Variants in HMGCLL1 observed in about 807,000 individuals in gnomAD.
HMGCLL1 encodes the protein 3-hydroxymethyl-3-methylglutaryl-CoA lyase, cytoplasmic.
Under a neutral mutation model 39.1 loss-of-function variants are expected in HMGCLL1, and 36 were observed. The observed-to-expected ratio is 0.92, with a 90% CI of 0.71 to 1.22. The LOEUF is 1.22. HMGCLL1 is among the 50% of genes most tolerant of loss of function. The pLI is 0.00. For synonymous variants in HMGCLL1, 149 were observed against 144.0 expected, an observed-to-expected ratio of 1.03 and a Z score of -0.25; for missense variants, 451 against 416.5, an observed-to-expected ratio of 1.08 and a Z score of -0.72.
At chr6:55,617,828 G>C in the HMGCLL1 span, among the ~76,000 whole-genome samples, 2 of 152,008 alleles carry the variant, frequency 1.3e-5, no homozygotes, top group Admixed American at 1.3e-4. Flanking sequence ...ATATGTACAA[G>C]TAGGTCCACA....
the HMGCLL1 span, among the ~76,000 whole-genome samples, chr6:55,596,461 T>A: frequency 6.6e-6 from 1 of 152,184 alleles, no homozygotes; most frequent in Non-Finnish European, 1.5e-5. Flanking sequence ...GACAGATGGT[T>A]TTAATGTTTA....
At chr6:55,485,692 A>C (rs759001134) in intron 7 of HMGCLL1, among the ~76,000 whole-genome samples, 3 of 152,044 alleles carry the variant, frequency 2.0e-5, no homozygotes, top group Non-Finnish European at 2.9e-5. Flanking sequence ...TAAACATATG[A>C]AAGAACTGTT....
the HMGCLL1 span, among the ~76,000 whole-genome samples, chr6:55,599,380 A>G: frequency 6.6e-6 from 1 of 152,226 alleles, no homozygotes; most frequent in African/African-American, 2.4e-5. Context: ...TTCCAGCTAT[A>G]TCTGCAACTA....
chr6:55,511,330 A>G (rs1291139699), intron 5 of HMGCLL1, among the ~76,000 whole-genome samples: 1 of 152,016 alleles, frequency 6.6e-6, no homozygotes, highest in Non-Finnish European at 1.5e-5. Context: ...GTATCTCTTC[A>G]CAATGTGTCC....
chr6:55,584,206 G>C, the HMGCLL1 span, among the ~76,000 whole-genome samples: 1 of 152,106 alleles, frequency 6.6e-6, no homozygotes, highest in Non-Finnish European at 1.5e-5. Flanking sequence ...ATATTTAACA[G>C]AATTCTTACT....
the HMGCLL1 span, among the ~76,000 whole-genome samples, chr6:55,630,745 A>C: frequency 6.9e-6 from 1 of 145,428 alleles, no homozygotes; most frequent in African/African-American, 2.6e-5. Context: ...TATAAGGGGG[A>C]CTCTCCTACA....
chr6:55,499,332 T>A, intron 5 of HMGCLL1, 33 bp from the exon 6 acceptor site: 1 of 1,481,680 alleles, frequency 6.7e-7, no homozygotes, highest in Non-Finnish European at 9.2e-7. Flanking sequence ...TAAATATGCA[T>A]ATGGTAAATA....
chr6:55,567,243 T>C (rs1040185465), intron 1 of HMGCLL1, among the ~76,000 whole-genome samples: 1 of 151,814 alleles, frequency 6.6e-6, no homozygotes, highest in African/African-American at 2.4e-5. Flanking sequence ...TTAATACTTG[T>C]AAAAAGTGAG....
At chr6:55,595,018 T>C in the HMGCLL1 span, among the ~76,000 whole-genome samples, 2 of 152,342 alleles carry the variant, frequency 1.3e-5, no homozygotes, top group Non-Finnish European at 1.5e-5. Context: ...CTTTTTATTT[T>C]TCCGTACAAT....
intron 3 of HMGCLL1, among the ~76,000 whole-genome samples, chr6:55,539,038 A>T (rs556081834): frequency 9.1e-4 from 138 of 152,330 alleles, no homozygotes; most frequent in Non-Finnish European, 1.2e-3. Flanking sequence ...ATTGAGTTCT[A>T]ACTGCAGAGA....
Position 55,567,610 on chromosome 6 carries a change from G to A in HMGCLL1, c.108+11338C>T, listed in dbSNP as rs1298392621. On this transcript the variant is annotated intron_variant, in intron 1 of 8. Transcript: ENST00000274901. ...ATAGGCTTGTGTTTTTAAATGAATT[G>A]CAAGAAAAAATTGCAGGGAAAAGAA... is the stretch of plus-strand genomic sequence containing the variant. Among the ~76,000 whole-genome samples the A allele has an allele frequency of 2.6e-5, 4 of 152,244 alleles. No homozygotes were observed. In the East Asian group the frequency reaches 7.7e-4, roughly 29 times the overall value.
chr6:55,591,395 G>A, the HMGCLL1 span, among the ~76,000 whole-genome samples: 5 of 151,852 alleles, frequency 3.3e-5, no homozygotes, highest in African/African-American at 9.7e-5. Flanking sequence ...CTAGGTCTTC[G>A]AAGCAAACTT....
At chr6:55,510,758 T>A (rs940098341) in intron 5 of HMGCLL1, among the ~76,000 whole-genome samples, 2 of 150,926 alleles carry the variant, frequency 1.3e-5, no homozygotes, top group Non-Finnish European at 3.0e-5. Flanking sequence ...AACCTGCACA[T>A]TGTGCACATA....
chr6:55,649,874 A>T, the HMGCLL1 span, among the ~76,000 whole-genome samples: 1 of 151,208 alleles, frequency 6.6e-6, no homozygotes, highest in Non-Finnish European at 1.5e-5. Context: ...CTTCAGAGAT[A>T]CTGATGAATT....
intron 3 of HMGCLL1, among the ~76,000 whole-genome samples, chr6:55,540,093 T>C (rs1769336979): frequency 6.7e-6 from 1 of 148,444 alleles, no homozygotes; most frequent in Non-Finnish European, 1.5e-5. Flanking sequence ...AATATGACTT[T>C]GTGAAAGCTG....
the HMGCLL1 span, among the ~76,000 whole-genome samples, chr6:55,657,461 A>G: frequency 6.6e-6 from 1 of 151,910 alleles, no homozygotes; most frequent in Non-Finnish European, 1.5e-5. Flanking sequence ...TCCTTTCTCC[A>G]TTGCTTGTTT....
chr6:55,667,793 G>A, the HMGCLL1 span, among the ~76,000 whole-genome samples: 4 of 151,554 alleles, frequency 2.6e-5, no homozygotes, highest in Non-Finnish European at 5.9e-5. Context: ...AAACTTTCTA[G>A]GAATATGAAC....
chr6:55,604,853 T>A, the HMGCLL1 span, among the ~76,000 whole-genome samples: 1 of 152,332 alleles, frequency 6.6e-6, no homozygotes, highest in Non-Finnish European at 1.5e-5. Flanking sequence ...ACAGGGAATA[T>A]TGTAAGCATT....
rs766036827 is a variant in HMGCLL1, at chr6:55,461,122, G to A, written c.796-21563C>T. Among the ~76,000 whole-genome samples the A allele has an allele frequency of 2.0e-5, 3 of 151,892 alleles. No individual in the cohort carries two copies. In the East Asian group the frequency reaches 5.8e-4, roughly 29 times the overall value. ...ACTTGTATCAAATAGCATCTATTTT[G>A]GAGTGCTTTGTTGACAAGCAATGTG... On this transcript the variant is annotated intron_variant, in intron 7 of 8. Transcript: ENST00000274901.
Sources: gnomAD v4.1 joint callset for allele counts (sites outside exome capture counted in the v4.1 genomes callset) on GRCh38, gnomAD v4.1.1 for gene constraint, MANE v1.5 for transcripts, NCBI Gene and HGNC (gene_info 2026-07-23, HGNC 2026-07-21) for gene names.